ERC2: variants seen among roughly 807,000 people sequenced by gnomAD.
The protein encoded by ERC2 is ERC protein 2.
A neutral mutation model predicts 114.8 loss-of-function variants in ERC2; 42 were observed. The observed-to-expected ratio is 0.37, with a 90% CI of 0.29 to 0.47. The LOEUF (loss-of-function observed/expected upper bound fraction) is 0.47. Among genes scored for constraint, ERC2 ranks in the 20% least tolerant of loss-of-function variants. The pLI is 0.99. For synonymous variants in ERC2, 454 were observed against 425.5 expected (o/e 1.07, Z -0.82); for missense variants, 939 against 1,150.7 (o/e 0.82, Z 2.66).
intron 2 of ERC2, among the ~76,000 whole-genome samples, chr3:56,308,809 A>G (rs1464373556): frequency 6.6e-6 from 1 of 152,138 alleles, no homozygotes; most frequent in Non-Finnish European, 1.5e-5. Flanking sequence ...TTTTTTTAAT[A>G]AATCCATACT....
At chr3:56,076,398 T>G in intron 7 of ERC2, among the ~76,000 whole-genome samples, 1 of 151,344 alleles carries the variant, frequency 6.6e-6, no homozygotes, top group East Asian at 1.9e-4. Flanking sequence ...CTGGGCATTA[T>G]ACACTTTCCA....
chr3:56,160,827 A>T (rs1323758320), intron 4 of ERC2, among the ~76,000 whole-genome samples: 2 of 151,976 alleles, frequency 1.3e-5, no homozygotes, highest in Admixed American at 6.6e-5. Flanking sequence ...ATTCTATTCC[A>T]CTGGTCTATG....
chr3:56,086,327 A>G (rs1431859449), intron 6 of ERC2, among the ~76,000 whole-genome samples: 2 of 152,024 alleles, frequency 1.3e-5, no homozygotes, highest in Non-Finnish European at 2.9e-5. Flanking sequence ...CCCAAATTCA[A>G]CATGGCAGGA....
rs905188880 is a variant in ERC2 at position 55,833,316 on chromosome 3, A to C, written c.2564+55073T>G. Among the ~76,000 whole-genome samples, 15 of 150,850 alleles carry C rather than the reference A, an allele frequency of 9.9e-5. No homozygotes were observed. The East Asian group carries it at 1.7e-3, about 18-fold the overall frequency. ...CCAAGACACATAATTGTCAGATTCA[A>C]CAAAGTGGAAATGAAGGAAAAAATA... is the stretch of plus-strand genomic sequence containing the variant. On this transcript the variant is annotated intron_variant, in intron 14 of 17. Transcript: ENST00000288221.
intron 17 of ERC2, among the ~76,000 whole-genome samples, chr3:55,603,867 G>A (rs2058524580): frequency 1.3e-5 from 2 of 151,890 alleles, no homozygotes; most frequent in South Asian, 4.2e-4. Context: ...CTTTTAAAAA[G>A]ACAAAATCCA....
At position 56,173,608 on chromosome 3, in the gene ERC2, G is replaced by A. The variant is rs954776095; in HGVS notation, c.1075-88C>T. The A allele has an allele frequency of 1.3e-5, 16 of 1,253,146 alleles. No homozygotes were observed. In the African/African-American group the frequency reaches 1.8e-4, roughly 14 times the overall value. 77.6% of individuals were successfully genotyped at this position (1,253,146 alleles called of 1,614,324 possible). ...ACACAGGTACTACACAGCCTGCTGG[G>A]TCCTGGTTCCCCTTGCACAGACATA... On this transcript the variant is annotated intron_variant, in intron 3 of 17. Transcript: ENST00000288221.
At chr3:56,310,980 T>A (rs543652977) in intron 2 of ERC2, among the ~76,000 whole-genome samples, 134 of 151,916 alleles carry the variant, frequency 8.8e-4, no homozygotes, top group African/African-American at 3.0e-3. Flanking sequence ...TGTAGGATAG[T>A]CCTGAGAAAC....
chr3:56,461,473 C>T (rs927975196), intron 1 of ERC2, among the ~76,000 whole-genome samples: 2 of 152,158 alleles, frequency 1.3e-5, no homozygotes, highest in Admixed American at 6.5e-5. Flanking sequence ...TAGAAGAGGG[C>T]ACTGGGTGCT....
chr3:55,946,347 T>G (rs1490452303), intron 13 of ERC2, among the ~76,000 whole-genome samples: 9 of 152,226 alleles, frequency 5.9e-5, no homozygotes, highest in African/African-American at 1.9e-4. Context: ...GTTTTAATTT[T>G]CCTCCTTATT....
intron 14 of ERC2, among the ~76,000 whole-genome samples, chr3:55,785,532 C>T (rs951678540): frequency 2.6e-5 from 4 of 152,188 alleles, no homozygotes; most frequent in Non-Finnish European, 5.9e-5. Context: ...CTCTCCAATG[C>T]CCTGCATTCC....
chr3:56,270,858 C>T (rs139291114), intron 3 of ERC2, among the ~76,000 whole-genome samples: 1,641 of 152,088 alleles, frequency 0.011, 28 homozygotes, highest in African/African-American at 0.038. Flanking sequence ...GGCGGGTGCC[C>T]GTAGTCACAG....
intron 13 of ERC2, among the ~76,000 whole-genome samples, chr3:55,919,873 C>T (rs1043323659): frequency 6.6e-6 from 1 of 152,146 alleles, no homozygotes; most frequent in Admixed American, 6.6e-5. Flanking sequence ...GAAGGGCCTC[C>T]TGTGCGTTCA....
chr3:55,737,942 A>G (rs2065742935), intron 14 of ERC2, among the ~76,000 whole-genome samples: 1 of 152,186 alleles, frequency 6.6e-6, no homozygotes, highest in Non-Finnish European at 1.5e-5. Flanking sequence ...TGCCCATTAT[A>G]AAATATTCAG....
chr3:55,796,475 G>A (rs1352698844), intron 14 of ERC2, among the ~76,000 whole-genome samples: 1 of 152,152 alleles, frequency 6.6e-6, no homozygotes, highest in Non-Finnish European at 1.5e-5. Flanking sequence ...GCCCAGGCTG[G>A]AGTGCAGCAG....
chr3:55,835,041 C>T (rs2060807418), intron 14 of ERC2, among the ~76,000 whole-genome samples: 1 of 151,720 alleles, frequency 6.6e-6, no homozygotes, highest in Non-Finnish European at 1.5e-5. Flanking sequence ...CCTCCCAAGA[C>T]TAAACCAGGA....
At chr3:55,907,049 T>C (rs996584616) in intron 13 of ERC2, among the ~76,000 whole-genome samples, 3 of 152,210 alleles carry the variant, frequency 2.0e-5, no homozygotes, top group Non-Finnish European at 4.4e-5. Context: ...TTGTCATGTA[T>C]GCACCCTGGC....
intron 15 of ERC2, among the ~76,000 whole-genome samples, chr3:55,717,156 G>T (rs1437577573): frequency 6.6e-6 from 1 of 152,162 alleles, no homozygotes. Flanking sequence ...AAACATTGAG[G>T]CTCACGGACC....
Position 56,397,460 on chromosome 3 carries a change from G to A in ERC2, c.657+36891C>T, listed in dbSNP as rs6807812. On this transcript the variant is annotated intron_variant, in intron 2 of 17. Coordinates refer to ENST00000288221, the MANE Select transcript of ERC2 (RefSeq NM_015576.3). ...TCTACACAAATGCATGCATTCCTGT[G>A]GCCCCTTTTCCTTATGTAAATTGTA... is the stretch of plus-strand genomic sequence containing the variant. Among the ~76,000 whole-genome samples the A allele has an allele frequency of 7.9e-3, 1,208 of 152,140 alleles. 18 individuals carry two copies. The highest frequency in any genetic ancestry group is 0.027 in the African/African-American group (1,116 of 41,518).
intron 17 of ERC2, among the ~76,000 whole-genome samples, chr3:55,538,127 C>T (rs2054119198): frequency 6.6e-6 from 1 of 152,182 alleles, no homozygotes; most frequent in South Asian, 2.1e-4. Flanking sequence ...TCATCTCTTC[C>T]TGTTTGGGGT....
Sources: allele counts gnomAD v4.1 joint callset (sites outside exome capture counted in the v4.1 genomes callset), GRCh38; gene constraint gnomAD v4.1.1; transcripts MANE v1.5; gene names NCBI Gene and HGNC (gene_info 2026-07-23, HGNC 2026-07-21).